The following KLHL29 variants were observed in gnomAD, a reference collection of about 807,000 sequenced individuals.
KLHL29 encodes kelch-like protein 29.
KLHL29 carries 21 observed loss-of-function variants against 80.4 expected under a neutral mutation model. The observed-to-expected ratio is 0.26, with a 90% CI of 0.19 to 0.38. The LOEUF (loss-of-function observed/expected upper bound fraction) is 0.38, where lower values mean the gene tolerates loss of function less well. Among genes scored for constraint, KLHL29 ranks in the 10% least tolerant of loss-of-function variants. KLHL29 has a pLI of 1.00. For synonymous variants in KLHL29, 511 were observed against 526.8 expected, an observed-to-expected ratio of 0.97 and a Z score of 0.41; for missense variants, 867 against 1,223.9, an observed-to-expected ratio of 0.71 and a Z score of 4.35.
intron 1 of KLHL29, among the ~76,000 whole-genome samples, chr2:23,419,037 C>T (rs186869047): frequency 1.1e-4 from 16 of 152,298 alleles, no homozygotes; most frequent in African/African-American, 1.9e-4. Context: ...ACTCCTGCCC[C>T]GTCACACGCC....
chr2:23,591,272 C>T (rs181806618), intron 3 of KLHL29, among the ~76,000 whole-genome samples: 5 of 152,284 alleles, frequency 3.3e-5, no homozygotes, highest in Admixed American at 1.3e-4. Flanking sequence ...AGCTGTATCT[C>T]TCCGGCTGCC....
chr2:23,438,358 G>A (rs1663406703), intron 1 of KLHL29, among the ~76,000 whole-genome samples: 2 of 148,706 alleles, frequency 1.3e-5, no homozygotes, highest in Non-Finnish European at 3.0e-5. Flanking sequence ...TTGAATAGGA[G>A]TGGTGAGAGA....
rs1329807864 is a variant in KLHL29, at chr2:23,682,018, A to G, written c.941-2381A>G. Among the ~76,000 whole-genome samples, 1 of 150,760 alleles carries G rather than the reference A, an allele frequency of 6.6e-6. No homozygotes were observed. The highest frequency in any genetic ancestry group is 1.5e-5 in the Non-Finnish European group (1 of 67,698). ...TCCTACCCCATCCCCCAGGTGTCCC[A>G]CAGGCCCCACCCCACAACTGATCTT... On this transcript the variant is annotated intron_variant, in intron 5 of 13. Coordinates refer to ENST00000486442, the MANE Select transcript of KLHL29 (RefSeq NM_052920.2). This position sits in a 1 kb window ranked among gnomAD's most constrained non-coding sequence, Gnocchi z 4.1.
chr2:23,540,965 C>G (rs922745938), intron 2 of KLHL29, among the ~76,000 whole-genome samples: 1 of 152,140 alleles, frequency 6.6e-6, no homozygotes, highest in African/African-American at 2.4e-5. Context: ...TCCTTATGGC[C>G]AGGGGGATAG....
chr2:23,642,215 T>C (rs4665623), intron 4 of KLHL29, 123 bp from the exon 5 acceptor site: 75,498 of 906,398 alleles, frequency 0.083, 7,391 homozygotes, highest in East Asian at 0.49. Flanking sequence ...AATCGGTCAG[T>C]TCCTGGACGC....
chr2:23,663,160 C>T (rs1479810558), intron 5 of KLHL29, among the ~76,000 whole-genome samples: 2 of 152,246 alleles, frequency 1.3e-5, no homozygotes, highest in Non-Finnish European at 2.9e-5. Context: ...AGCCCCCAAA[C>T]CCCGCAGCTG....
At chr2:23,508,661 C>T (rs1665676185) in intron 2 of KLHL29, among the ~76,000 whole-genome samples, 1 of 152,250 alleles carries the variant, frequency 6.6e-6, no homozygotes, top group African/African-American at 2.4e-5. Context: ...GGGATCCCCG[C>T]ATCTTGCAGA....
In KLHL29 at chr2:23,503,168, A is replaced by G. The variant is rs1175752842; in HGVS notation, c.-46+27501A>G. On this transcript the variant is annotated intron_variant, in intron 2 of 13. Transcript: ENST00000486442. The surrounding 1 kb of genome is among the most constrained non-coding windows in gnomAD (Gnocchi z 4.0). ...AATTAAAATGCACAGGGCTACGGCA[A>G]GGGCAGGCAGATCTGAGTGGAGGCT... 6.6e-6 allele frequency among the ~76,000 whole-genome samples: 1 copy of G among 152,228 alleles called. No homozygotes were observed. Among genetic ancestry groups the G allele is most frequent in the Non-Finnish European group, 1.5e-5 (1 of 68,040 alleles).
At chr2:23,554,503 G>T (rs1244419918) in intron 2 of KLHL29, among the ~76,000 whole-genome samples, 3 of 152,174 alleles carry the variant, frequency 2.0e-5, no homozygotes, top group Non-Finnish European at 2.9e-5. Context: ...CTCCTTCGGC[G>T]TGTCTTAATG....
At chr2:23,554,439 C>T (rs1667230035) in intron 2 of KLHL29, among the ~76,000 whole-genome samples, 1 of 152,216 alleles carries the variant, frequency 6.6e-6, no homozygotes, top group Admixed American at 6.5e-5. Context: ...GCGCGGGTCC[C>T]CTGCCTTCCT....
At chr2:23,660,395 G>A (rs572035787) in intron 5 of KLHL29, among the ~76,000 whole-genome samples, 1 of 152,236 alleles carries the variant, frequency 6.6e-6, no homozygotes, top group South Asian at 2.1e-4. Context: ...AGTCAAGTGT[G>A]GGCTTATCAG....
intron 1 of KLHL29, among the ~76,000 whole-genome samples, chr2:23,402,268 G>A (rs776088267): frequency 3.3e-5 from 5 of 152,208 alleles, no homozygotes; most frequent in African/African-American, 4.8e-5. Flanking sequence ...TCTCAGTGTT[G>A]ACTATTGTCC....
intron 2 of KLHL29, among the ~76,000 whole-genome samples, chr2:23,533,084 G>A (rs980193266): frequency 1.3e-5 from 2 of 152,216 alleles, no homozygotes; most frequent in African/African-American, 4.8e-5. Flanking sequence ...TGGCTTCCCT[G>A]TGTGAGAGCG....
At chr2:23,635,112 G>A (rs898733305) in intron 3 of KLHL29, among the ~76,000 whole-genome samples, 12 of 152,198 alleles carry the variant, frequency 7.9e-5, no homozygotes, top group East Asian at 1.9e-4. Flanking sequence ...CACACAGGAC[G>A]CTGCTAGTCT....
chr2:23,615,911 C>T (rs1328301607), intron 3 of KLHL29, among the ~76,000 whole-genome samples: 2 of 152,060 alleles, frequency 1.3e-5, no homozygotes, highest in Non-Finnish European at 2.9e-5. Context: ...TGAAAGATGG[C>T]AGATATTCCC....
At chr2:23,507,610 G>A (rs1280850088) in intron 2 of KLHL29, among the ~76,000 whole-genome samples, 4 of 152,208 alleles carry the variant, frequency 2.6e-5, no homozygotes, top group Non-Finnish European at 5.9e-5. Flanking sequence ...GTCTGCTCTT[G>A]AGTGTGACTT....
At chr2:23,555,197 G>A (rs137867717) in intron 2 of KLHL29, among the ~76,000 whole-genome samples, 85 of 152,070 alleles carry the variant, frequency 5.6e-4, no homozygotes, top group African/African-American at 1.9e-3. Flanking sequence ...ACCTAGCACA[G>A]AGGGCCTCGG....
At chr2:23,662,235 A>G (rs1572475768) in intron 5 of KLHL29, among the ~76,000 whole-genome samples, 1 of 152,194 alleles carries the variant, frequency 6.6e-6, no homozygotes, top group South Asian at 2.1e-4. Flanking sequence ...CACAAACTTC[A>G]TCTCAGTTTT....
intron 2 of KLHL29, among the ~76,000 whole-genome samples, chr2:23,530,846 G>A (rs534435996): frequency 6.6e-6 from 1 of 152,116 alleles, no homozygotes; most frequent in Non-Finnish European, 1.5e-5. Flanking sequence ...GCCACCAAGG[G>A]TTCTTGCCCC....
Sources: allele counts gnomAD v4.1 joint callset (sites outside exome capture counted in the v4.1 genomes callset), GRCh38; gene constraint gnomAD v4.1.1; non-coding constraint Gnocchi (gnomAD v3.1); transcripts MANE v1.5; gene names NCBI Gene and HGNC (gene_info 2026-07-23, HGNC 2026-07-21).